Variants in CA10 observed in about 807,000 individuals in gnomAD.
CA10 encodes carbonic anhydrase 10 (inactive).
Under a neutral mutation model 44.2 loss-of-function variants are expected in CA10, and 14 were observed. The observed-to-expected ratio is 0.32, with a 90% CI of 0.21 to 0.50. CA10 has a LOEUF of 0.50. Among genes scored for constraint, CA10 ranks in the 20% least tolerant of loss-of-function variants. CA10 has a pLI of 0.99. For missense variants in CA10, 350 were observed against 409.7 expected, an observed-to-expected ratio of 0.85 and a Z score of 1.26; for synonymous variants, 159 against 141.6, an observed-to-expected ratio of 1.12 and a Z score of -0.87.
intron 3 of CA10, among the ~76,000 whole-genome samples, chr17:51,805,467 C>G (rs959865244): frequency 9.9e-5 from 15 of 152,178 alleles, no homozygotes; most frequent in African/African-American, 3.6e-4. Context: ...TCAGCTGTGG[C>G]TATACATCAG....
chr17:52,143,983 C>A (rs1157073050), intron 1 of CA10, among the ~76,000 whole-genome samples: 1 of 152,160 alleles, frequency 6.6e-6, no homozygotes, highest in Non-Finnish European at 1.5e-5. Flanking sequence ...ATGCTCAGAT[C>A]AGATATATTT....
At chr17:51,904,928 A>G (rs1025438283) in intron 3 of CA10, among the ~76,000 whole-genome samples, 4 of 152,126 alleles carry the variant, frequency 2.6e-5, no homozygotes, top group East Asian at 1.9e-4. Context: ...TTAATCCTCT[A>G]AATCTCAGTT....
At chr17:51,900,626 T>C (rs1981271947) in intron 3 of CA10, among the ~76,000 whole-genome samples, 2 of 152,176 alleles carry the variant, frequency 1.3e-5, no homozygotes, top group Admixed American at 6.6e-5. Context: ...ATTTTCCAAG[T>C]TCCTTGCCTT....
intron 2 of CA10, among the ~76,000 whole-genome samples, chr17:51,957,150 C>T (rs1478628515): frequency 1.3e-5 from 2 of 152,098 alleles, no homozygotes; most frequent in Non-Finnish European, 1.5e-5. Flanking sequence ...TAGATGAGCT[C>T]AAGTATTTTG....
chr17:51,933,469 G>T (rs1287228713), intron 2 of CA10, among the ~76,000 whole-genome samples: 1 of 152,038 alleles, frequency 6.6e-6, no homozygotes, highest in Non-Finnish European at 1.5e-5. Flanking sequence ...GCAAGACAAT[G>T]GATTCTCCAC....
At chr17:51,877,246 C>A (rs1315376598) in intron 3 of CA10, among the ~76,000 whole-genome samples, 1 of 152,156 alleles carries the variant, frequency 6.6e-6, no homozygotes, top group African/African-American at 2.4e-5. Flanking sequence ...GAGTACCCTG[C>A]CAAACCTCAA....
chr17:52,043,267 T>C (rs1986821247), intron 2 of CA10, among the ~76,000 whole-genome samples: 1 of 152,142 alleles, frequency 6.6e-6, no homozygotes, highest in South Asian at 2.1e-4. Context: ...TCTCACAGTT[T>C]GCACTATAGA....
chr17:51,737,894 A>C (rs1227035837), intron 4 of CA10, among the ~76,000 whole-genome samples: 1 of 152,216 alleles, frequency 6.6e-6, no homozygotes, highest in African/African-American at 2.4e-5. Context: ...AGATTTATAG[A>C]GGCTGACTGT....
intron 3 of CA10, among the ~76,000 whole-genome samples, chr17:51,846,312 T>G (rs1025147483): frequency 2.0e-5 from 3 of 152,198 alleles, no homozygotes; most frequent in Non-Finnish European, 4.4e-5. Flanking sequence ...AGCAAATCCA[T>G]TTATACAGCA....
In CA10 at chr17:51,631,322, AAG is replaced by A. The variant is rs1443899090; in HGVS notation, c.*260_*261del. 4.4e-6 allele frequency: 2 copies of A among 452,252 alleles called. No homozygotes were observed. Among genetic ancestry groups the A allele is most frequent in the South Asian group, 3.9e-5 (1 of 25,524 alleles). 28.0% of individuals were successfully genotyped at this position (452,252 alleles called of 1,614,324 possible). ...CTTGACTTCCCATGATGGAGGTTGT[AAG>A]AGTGTGTGTGTGTGTAGGTATGTTT... On this transcript the variant is annotated 3_prime_UTR_variant, in exon 9 of 9. Coordinates refer to ENST00000451037, the MANE Select transcript of CA10 (RefSeq NM_020178.5).
chr17:52,096,166 A>G (rs927024050), intron 1 of CA10, among the ~76,000 whole-genome samples: 21 of 152,174 alleles, frequency 1.4e-4, no homozygotes, highest in Admixed American at 1.3e-3. Flanking sequence ...ATAGGGGTAC[A>G]TAGGCTGACA....
chr17:51,956,209 A>G (rs1024460365), intron 2 of CA10, among the ~76,000 whole-genome samples: 1 of 152,072 alleles, frequency 6.6e-6, no homozygotes, highest in African/African-American at 2.4e-5. Flanking sequence ...TTGGTTCTCC[A>G]TGTAAGTCTC....
chr17:51,898,148 C>T (rs995341744), intron 3 of CA10, among the ~76,000 whole-genome samples: 3 of 152,102 alleles, frequency 2.0e-5, no homozygotes, highest in African/African-American at 7.2e-5. Context: ...TGTTCTGCTT[C>T]TCAAGGGGAA....
intron 4 of CA10, among the ~76,000 whole-genome samples, chr17:51,717,826 T>TACATATATACACATATATAC (rs796143661): frequency 1.0e-4 from 2 of 19,360 alleles, no homozygotes; most frequent in Admixed American, 8.5e-4. Context: ...TATATATGTG[T>TACATATATACACATATATAC]GTGTATATAT....
chr17:51,641,789 T>C (rs1913100315), intron 6 of CA10, among the ~76,000 whole-genome samples: 1 of 152,086 alleles, frequency 6.6e-6, no homozygotes, highest in Non-Finnish European at 1.5e-5. Context: ...GTCTGAACTT[T>C]TTTTTTTCAG....
At chr17:51,802,767 CTTGCCATGTCCATGCCATACTCATT>C (rs1260292288) in intron 3 of CA10, among the ~76,000 whole-genome samples, 1 of 152,120 alleles carries the variant, frequency 6.6e-6, no homozygotes, top group Non-Finnish European at 1.5e-5. Context: ...GAGGAAGGGC[CTTGCCATGTCCATGCCATACTCATT>C]AAGCCATGAT....
At chr17:51,681,381 G>A (rs981585298) in intron 4 of CA10, among the ~76,000 whole-genome samples, 1 of 152,170 alleles carries the variant, frequency 6.6e-6, no homozygotes, top group Non-Finnish European at 1.5e-5. Context: ...AGAATAGCAG[G>A]TGGGAAAATT....
At chr17:52,072,972 G>T (rs919478732) in intron 1 of CA10, among the ~76,000 whole-genome samples, 1 of 152,126 alleles carries the variant, frequency 6.6e-6, no homozygotes, top group Non-Finnish European at 1.5e-5. Context: ...ATATCGTGGA[G>T]ATCTGTAAGC....
chr17:51,773,171 G>A (rs1332764270), intron 3 of CA10, among the ~76,000 whole-genome samples: 6 of 152,218 alleles, frequency 3.9e-5, no homozygotes, highest in Admixed American at 3.3e-4. Context: ...AAAGACTGAG[G>A]AGAATGCAAA....
Sources: allele counts gnomAD v4.1 joint callset (sites outside exome capture counted in the v4.1 genomes callset), GRCh38; gene constraint gnomAD v4.1.1; transcripts MANE v1.5; gene names NCBI Gene and HGNC (gene_info 2026-07-23, HGNC 2026-07-21).